ITPR2: variants seen among roughly 807,000 people sequenced by gnomAD.
The protein encoded by ITPR2 is inositol 1,4,5-trisphosphate-gated calcium channel ITPR2.
Under a neutral mutation model 317.1 loss-of-function variants are expected in ITPR2, and 207 were observed. The observed-to-expected ratio is 0.65, with a 90% CI of 0.58 to 0.73. The LOEUF (loss-of-function observed/expected upper bound fraction) is 0.73. Among genes scored for constraint, ITPR2 ranks in the 30% least tolerant of loss-of-function variants. The pLI is 0.00. For missense variants in ITPR2, 2,613 were observed against 3,284.0 expected, an observed-to-expected ratio of 0.80 and a Z score of 4.99; for synonymous variants, 1,156 against 1,149.1, an observed-to-expected ratio of 1.01 and a Z score of -0.12.
At chr12:26,426,465 G>A (rs1406805708) in intron 49 of ITPR2, among the ~76,000 whole-genome samples, 2 of 152,096 alleles carry the variant, frequency 1.3e-5, no homozygotes, top group African/African-American at 4.8e-5. Context: ...TGTTAAAGTA[G>A]AGAAACATGG....
chr12:26,368,760 A>G (rs1012339437), intron 55 of ITPR2, among the ~76,000 whole-genome samples: 2 of 152,240 alleles, frequency 1.3e-5, no homozygotes, highest in Admixed American at 1.3e-4. Context: ...AGCGCCCACT[A>G]TGTGCCAGCC....
intron 51 of ITPR2, among the ~76,000 whole-genome samples, chr12:26,411,832 G>A (rs893083895): frequency 2.0e-5 from 3 of 152,110 alleles, no homozygotes; most frequent in Admixed American, 6.5e-5. Context: ...GCTGCTGGTA[G>A]TGGTTCTAAC....
chr12:26,669,338 G>A (rs1253403499), intron 13 of ITPR2, among the ~76,000 whole-genome samples: 1 of 152,010 alleles, frequency 6.6e-6, no homozygotes, highest in East Asian at 1.9e-4. Context: ...TCTCATAAAA[G>A]TTCCAAAAGA....
At chr12:26,397,903 T>C (rs926251870) in intron 54 of ITPR2, among the ~76,000 whole-genome samples, 4 of 151,598 alleles carry the variant, frequency 2.6e-5, no homozygotes, top group African/African-American at 9.7e-5. Flanking sequence ...GATTCTAGGG[T>C]GCCGAGAGAC....
At chr12:26,461,649 T>TATATATATATGCACACATAC (rs1942026999) in intron 45 of ITPR2, among the ~76,000 whole-genome samples, 1 of 26,444 alleles carries the variant, frequency 3.8e-5, no homozygotes, top group African/African-American at 5.4e-5. Flanking sequence ...TATATATATA[T>TATATATATATGCACACATAC]ATATATATAT....
At chr12:26,496,726 G>C (rs948030877) in intron 37 of ITPR2, among the ~76,000 whole-genome samples, 2 of 151,948 alleles carry the variant, frequency 1.3e-5, no homozygotes, top group African/African-American at 2.4e-5. Flanking sequence ...GGCAGATCAC[G>C]AGGTCAGGAG....
At chr12:26,816,092 CAAAAAAAAAA>C (rs11409442) in intron 1 of ITPR2, among the ~76,000 whole-genome samples, 2 of 59,510 alleles carry the variant, frequency 3.4e-5, no homozygotes, top group African/African-American at 7.3e-5. Context: ...GACTCCGTCT[CAAAAAAAAAA>C]AAAAAAAAAA....
intron 1 of ITPR2, among the ~76,000 whole-genome samples, chr12:26,828,837 C>G (rs1225805649): frequency 6.6e-6 from 1 of 152,110 alleles, no homozygotes; most frequent in African/African-American, 2.4e-5. Context: ...ACAACTGCCA[C>G]AGAAATACAT....
chr12:26,819,158 T>C (rs542135487), intron 1 of ITPR2, among the ~76,000 whole-genome samples: 23 of 152,332 alleles, frequency 1.5e-4, no homozygotes, highest in African/African-American at 5.3e-4. Flanking sequence ...TTTGTACATA[T>C]CTATATTTCT....
At chr12:26,692,650 A>G (rs924281622) in intron 10 of ITPR2, among the ~76,000 whole-genome samples, 2 of 152,232 alleles carry the variant, frequency 1.3e-5, no homozygotes, top group Non-Finnish European at 2.9e-5. Flanking sequence ...TGGAAATAAT[A>G]GACTCCTTTG....
At chr12:26,397,686 G>C (rs1940042774) in intron 54 of ITPR2, among the ~76,000 whole-genome samples, 1 of 152,180 alleles carries the variant, frequency 6.6e-6, no homozygotes, top group African/African-American at 2.4e-5. Context: ...GGTTTGGAGA[G>C]ACATTGAGGT....
chr12:26,616,850 A>T (rs1477694035), intron 26 of ITPR2, among the ~76,000 whole-genome samples: 1 of 152,188 alleles, frequency 6.6e-6, no homozygotes, highest in Non-Finnish European at 1.5e-5. Flanking sequence ...TCTACTCAAC[A>T]TGAAGATGAT....
chr12:26,404,557 T>G (rs566587512), intron 52 of ITPR2, among the ~76,000 whole-genome samples: 3 of 152,044 alleles, frequency 2.0e-5, no homozygotes, highest in Non-Finnish European at 1.5e-5. Flanking sequence ...CAGGAAACAG[T>G]AGGAAGAAGG....
At chr12:26,774,264 C>A (rs1192118273) in intron 2 of ITPR2, among the ~76,000 whole-genome samples, 1 of 152,100 alleles carries the variant, frequency 6.6e-6, no homozygotes, top group African/African-American at 2.4e-5. Flanking sequence ...ACTAATCAAA[C>A]AACTATGTTA....
chr12:26,724,856 A>C, intron 3 of ITPR2, 114 bp from the exon 4 acceptor site: 1 of 630,662 alleles, frequency 1.6e-6, no homozygotes, highest in South Asian at 1.9e-5. Flanking sequence ...ATAGGCTAGT[A>C]GTAGAGTCAG....
intron 1 of ITPR2, chr12:26,801,201 G>A (rs527394190): frequency 3.4e-4 from 54 of 157,176 alleles, no homozygotes; most frequent in Middle Eastern, 2.0e-3. Context: ...AGGCATGGAC[G>A]TGGACATTGC....
chr12:26,597,649 T>A (rs1315015858), intron 30 of ITPR2, among the ~76,000 whole-genome samples: 1 of 152,086 alleles, frequency 6.6e-6, no homozygotes, highest in Non-Finnish European at 1.5e-5. Context: ...AAAGCAGAGT[T>A]AAGAGAAATA....
chr12:26,811,590 G>A (rs908585392), intron 1 of ITPR2, among the ~76,000 whole-genome samples: 2 of 151,866 alleles, frequency 1.3e-5, no homozygotes, highest in Admixed American at 6.6e-5. Flanking sequence ...GGGAGGGTGA[G>A]GCAGGAGAAT....
At chr12:26,673,773 C>T (rs1947845701) in intron 13 of ITPR2, among the ~76,000 whole-genome samples, 2 of 146,900 alleles carry the variant, frequency 1.4e-5, no homozygotes, top group South Asian at 4.5e-4. Flanking sequence ...TTGCAGATGA[C>T]ATGATTGTAT....
Sources: allele counts gnomAD v4.1 joint callset (sites outside exome capture counted in the v4.1 genomes callset), GRCh38; gene constraint gnomAD v4.1.1; transcripts MANE v1.5; gene names NCBI Gene and HGNC (gene_info 2026-07-23, HGNC 2026-07-21).